Variants in EDEM3 observed in about 807,000 individuals in gnomAD.
EDEM3 encodes ER degradation-enhancing alpha-mannosidase-like protein 3.
In EDEM3, 60 loss-of-function variants were observed where a neutral mutation model predicts 110.2. The ratio of observed to expected loss-of-function variants is 0.54; its 90% CI spans 0.44 to 0.67. EDEM3 has a LOEUF of 0.67. Among genes scored for constraint, EDEM3 ranks in the 30% least tolerant of loss-of-function variants. EDEM3 has a pLI of 0.00. For synonymous variants in EDEM3, 352 were observed against 382.9 expected (o/e 0.92, Z 0.94); for missense variants, 996 against 1,121.0 (o/e 0.89, Z 1.59).
Position 184,726,343 on chromosome 1 carries a change from G to A in EDEM3, c.659C>T (p.Thr220Ile). The change falls in exon 7 of 20, where the codon ACT becomes ATT. Residue 220 changes from threonine to isoleucine, a missense_variant. Around this residue, in one of 5 missense-constraint regions of EDEM3, gnomAD observed 310 missense variants for 394.6 expected, o/e 0.79. Transcript: ENST00000318130. ...ACAAGCTGTACAGGTATCTGTCTCA[G>A]TTCCTGTCCGAGCTTCTGGTTTTCT... is the stretch of plus-strand genomic sequence containing the variant. ...GIRKPEARTG[T>I]ETDTCTACAG... 6.2e-7 allele frequency: 1 copy of A among 1,613,796 alleles called. No homozygotes were observed. Among genetic ancestry groups the A allele is most frequent in the Non-Finnish European group, 8.5e-7 (1 of 1,179,826 alleles).
At chr1:184,728,444 G>A (rs1368363862) in intron 6 of EDEM3, among the ~76,000 whole-genome samples, 1 of 152,034 alleles carries the variant, frequency 6.6e-6, no homozygotes, top group African/African-American at 2.4e-5. Context: ...TGAATCATGA[G>A]CGTTTTAGTA....
chr1:184,744,973 G>A (rs1652349955), intron 2 of EDEM3, among the ~76,000 whole-genome samples: 1 of 152,026 alleles, frequency 6.6e-6, no homozygotes, highest in Admixed American at 6.6e-5. Flanking sequence ...TCAGAGGTGG[G>A]GAGAAGGAAT....
chr1:184,717,505 CTAAACTT>C (rs776329984), intron 12 of EDEM3, 28 bp downstream of exon 12: 7 of 1,557,334 alleles, frequency 4.5e-6, no homozygotes, highest in Non-Finnish European at 6.1e-6. Context: ...AGAATGGAGG[CTAAACTT>C]TAAGTAAAAT....
chr1:184,748,999 T>A (rs1201159515), intron 2 of EDEM3, among the ~76,000 whole-genome samples: 1 of 152,218 alleles, frequency 6.6e-6, no homozygotes, highest in Non-Finnish European at 1.5e-5. Context: ...GCACAACAGA[T>A]CTCCAGAACT....
rs1649210030 is a variant in EDEM3, at chr1:184,694,205, T to G, written c.2657A>C (p.Gln886Pro). 1.2e-6 allele frequency: 2 copies of G among 1,613,422 alleles called. No individual in the cohort carries two copies. The highest frequency in any genetic ancestry group is 1.7e-6 in the Non-Finnish European group (2 of 1,179,686). Residue 886 changes from glutamine (Q) to proline (P), a missense_variant, in exon 20 of 20, where the codon CAG becomes CCG. Coordinates refer to ENST00000318130, the MANE Select transcript of EDEM3 (RefSeq NM_025191.4). ...LNGECTDLDNQLQEQSETEED... is the reference protein window; with the variant it reads ...LNGECTDLDNPLQEQSETEED... Reference sequence around the variant, plus strand: ...CTCAGTTTCTGATTGTTCTTGAAGCTGGTTATCTAAATCTGTACATTCACC... The same window carrying G: ...CTCAGTTTCTGATTGTTCTTGAAGCGGGTTATCTAAATCTGTACATTCACC...
At chr1:184,744,316 A>G (rs1652310199) in intron 2 of EDEM3, among the ~76,000 whole-genome samples, 2 of 143,744 alleles carry the variant, frequency 1.4e-5, no homozygotes, top group Admixed American at 1.4e-4. Flanking sequence ...AGCATATGGG[A>G]AAATTTTCAA....
At chr1:184,728,662 T>C (rs1392757713) in intron 6 of EDEM3, among the ~76,000 whole-genome samples, 13 of 151,696 alleles carry the variant, frequency 8.6e-5, no homozygotes, top group Non-Finnish European at 1.5e-5. Flanking sequence ...TAGGCTGGAG[T>C]GCAGTGGCAC....
At chr1:184,725,986 T>C (rs1651169755) in intron 7 of EDEM3, among the ~76,000 whole-genome samples, 1 of 152,166 alleles carries the variant, frequency 6.6e-6, no homozygotes, top group South Asian at 2.1e-4. Context: ...ATCAAATTCA[T>C]TTAAGTAATA....
At chr1:184,704,517 G>T (rs1040422425) in intron 18 of EDEM3, among the ~76,000 whole-genome samples, 1 of 151,554 alleles carries the variant, frequency 6.6e-6, no homozygotes, top group East Asian at 1.9e-4. Context: ...CAGGCTTGGT[G>T]GCACGTGCCT....
At chr1:184,747,252 C>A (rs906975936) in intron 2 of EDEM3, among the ~76,000 whole-genome samples, 1 of 152,166 alleles carries the variant, frequency 6.6e-6, no homozygotes, top group Non-Finnish European at 1.5e-5. Flanking sequence ...GGTTAAATAA[C>A]CTGTTTAGGG....
rs752097246 is a variant in EDEM3 at position 184,749,633 on chromosome 1, A to G, written c.159-41T>C. 14 of 1,098,002 alleles carry G rather than the reference A, an allele frequency of 1.3e-5. No individual in the cohort carries two copies. The East Asian group carries it at 2.0e-4, about 15-fold the overall frequency. 68.0% of individuals were successfully genotyped at this position (1,098,002 alleles called of 1,614,324 possible). On this transcript the variant is annotated intron_variant, in intron 1 of 19. Coordinates refer to ENST00000318130, the MANE Select transcript of EDEM3 (RefSeq NM_025191.4). The stretch of plus-strand genomic sequence containing the variant: ...CAGAAATGGAAAAAAAAAAAAAAAA[A>G]GGTAAGTATATTCTATTTATTATCT...
At chr1:184,725,657 C>T (rs1027430435) in intron 7 of EDEM3, among the ~76,000 whole-genome samples, 4 of 151,690 alleles carry the variant, frequency 2.6e-5, no homozygotes, top group African/African-American at 9.7e-5. Context: ...TAACCTAAGT[C>T]ATATGCTTGA....
intron 4 of EDEM3, among the ~76,000 whole-genome samples, chr1:184,736,765 G>T (rs895806845): frequency 6.6e-6 from 1 of 151,992 alleles, no homozygotes; most frequent in South Asian, 2.1e-4. Flanking sequence ...TTGTCCAAAG[G>T]GGGGAAAAAA....
chr1:184,752,769 G>A (rs1652835971), intron 1 of EDEM3, among the ~76,000 whole-genome samples: 1 of 152,158 alleles, frequency 6.6e-6, no homozygotes, highest in Non-Finnish European at 1.5e-5. Flanking sequence ...AGAGAGCCTG[G>A]CTCTGGGATC....
At chr1:184,707,403 G>A (rs1216314833) in intron 17 of EDEM3, among the ~76,000 whole-genome samples, 1 of 152,060 alleles carries the variant, frequency 6.6e-6, no homozygotes, top group East Asian at 1.9e-4. Context: ...AATTCCATAA[G>A]GGCATGGATC....
intron 19 of EDEM3, chr1:184,701,687 G>GAAAAAAA: frequency 2.4e-6 from 1 of 413,794 alleles, no homozygotes; most frequent in Non-Finnish European, 4.0e-6. Flanking sequence ...AAGGGCCCAG[G>GAAAAAAA]AAAAAAAAAT....
intron 2 of EDEM3, among the ~76,000 whole-genome samples, chr1:184,743,262 A>T (rs549729468): frequency 6.6e-6 from 1 of 152,306 alleles, no homozygotes; most frequent in South Asian, 2.1e-4. Context: ...ATACGTGGCA[A>T]ATTAACAGCC....
Position 184,734,646 on chromosome 1 carries a change from G to T in EDEM3, c.346-3C>A. 1 of 1,258,408 alleles carries T rather than the reference G, an allele frequency of 7.9e-7. No individual in the cohort carries two copies. The highest frequency in any genetic ancestry group is 1.1e-6 in the Non-Finnish European group (1 of 898,490). 78.0% of individuals were successfully genotyped at this position (1,258,408 alleles called of 1,614,324 possible). ...AATTCTTTAGTTTTATTTAAAACCTGGGAGAAGAAAATTATGAAATAAAGT... is the reference window on the plus strand; with the variant it reads ...AATTCTTTAGTTTTATTTAAAACCTTGGAGAAGAAAATTATGAAATAAAGT... On this transcript the variant is annotated splice_region_variant and splice_polypyrimidine_tract_variant and intron_variant, in intron 4 of 19. Coordinates refer to ENST00000318130, the MANE Select transcript of EDEM3 (RefSeq NM_025191.4).
chr1:184,709,156 G>A (rs12567226), intron 16 of EDEM3, among the ~76,000 whole-genome samples: 45,873 of 151,748 alleles, frequency 0.3, 8,449 homozygotes, highest in East Asian at 0.54. Flanking sequence ...TTACTGACAT[G>A]GAGAGCCAAA....
Sources: allele counts gnomAD v4.1 joint callset (sites outside exome capture counted in the v4.1 genomes callset), GRCh38; gene constraint gnomAD v4.1.1; regional missense constraint gnomAD v4.1.1; transcripts MANE v1.5; gene names NCBI Gene and HGNC (gene_info 2026-07-23, HGNC 2026-07-21).